BAZ2B: variants seen among roughly 807,000 people sequenced by gnomAD.
BAZ2B encodes bromodomain adjacent to zinc finger domain 2B, also known as bromodomain adjacent to zinc finger domain protein 2B.
A neutral mutation model predicts 246.0 loss-of-function variants in BAZ2B; 91 were observed. That is an observed-to-expected ratio of 0.37 (90% CI 0.31 to 0.44). BAZ2B has a LOEUF of 0.44. BAZ2B is among the 20% of genes least tolerant of loss of function. The pLI, the probability that BAZ2B is intolerant of heterozygous loss-of-function variation, is 1.00. For synonymous variants in BAZ2B, 855 were observed against 860.0 expected, an observed-to-expected ratio of 0.99 and a Z score of 0.10; for missense variants, 2,332 against 2,533.7, an observed-to-expected ratio of 0.92 and a Z score of 1.71.
Position 159,383,812 on chromosome 2 carries a change from G to C in BAZ2B, c.3687-132C>G, listed in dbSNP as rs1576371552. The C allele has an allele frequency of 5.8e-6, 4 of 687,476 alleles. No homozygotes were observed. The East Asian group carries it at 1.1e-4, about 19-fold the overall frequency. The allele number at this position is 687,476 out of a possible 1,614,324, so 42.6% of individuals were successfully genotyped here. ...GTAAAAATGATACAACTGACCTCATGCATATACACGTTCATATATGTATGT... is the reference window on the plus strand; with the variant it reads ...GTAAAAATGATACAACTGACCTCATCCATATACACGTTCATATATGTATGT... On this transcript the variant is annotated intron_variant, in intron 23 of 36. Transcript: ENST00000392783.
At chr2:159,459,539 T>C (rs1422319169) in intron 3 of BAZ2B, 1 of 152,162 alleles carries the variant, frequency 6.6e-6, no homozygotes, top group East Asian at 1.9e-4. Context: ...CTTGGCTCCA[T>C]TGCCAGGACA....
rs1483141774 is a variant in BAZ2B at position 159,319,694 on chromosome 2, T to C, written c.*571A>G. Reference sequence around the variant, plus strand: ...CAGTAAAGTTTCTTTTTGGTGCTTTTATAGCACATCAGTGTAAACAGTTTA... The same window carrying C: ...CAGTAAAGTTTCTTTTTGGTGCTTTCATAGCACATCAGTGTAAACAGTTTA... On this transcript the variant is annotated 3_prime_UTR_variant, in exon 37 of 37. Transcript: ENST00000392783. The surrounding 1 kb of genome is among the most constrained non-coding windows in gnomAD (Gnocchi z 4.0). The C allele has an allele frequency of 6.6e-6, 1 of 152,636 alleles. No individual in the cohort carries two copies. The highest frequency in any genetic ancestry group is 1.5e-5 in the Non-Finnish European group (1 of 68,026). 9.5% of individuals were successfully genotyped at this position (152,636 alleles called of 1,614,324 possible).
chr2:159,552,390 A>G (rs181264865), intron 2 of BAZ2B, among the ~76,000 whole-genome samples: 2 of 152,364 alleles, frequency 1.3e-5, no homozygotes, highest in Admixed American at 1.3e-4. Flanking sequence ...ACTTTATAGT[A>G]GATTTCACGC....
At chr2:159,708,539 A>G in the BAZ2B span, among the ~76,000 whole-genome samples, 1 of 145,786 alleles carries the variant, frequency 6.9e-6, no homozygotes, top group Admixed American at 7.1e-5. Flanking sequence ...ACGTGTTTTA[A>G]TAACCTTTTA....
In BAZ2B at chr2:159,325,768, C is replaced by T. The variant is rs550099510; in HGVS notation, c.6094G>A (p.Asp2032Asn). The T allele has an allele frequency of 6.2e-7, 1 of 1,603,274 alleles. No individual in the cohort carries two copies. Among genetic ancestry groups the T allele is most frequent in the African/African-American group, 1.4e-5 (1 of 74,050 alleles). Residue 2032 changes from aspartate (D) to asparagine (N), a missense_variant, in exon 35 of 37, where the codon GAC (aspartate) becomes AAC (asparagine). Around this residue, in one of 9 missense-constraint regions of BAZ2B, gnomAD observed 210 missense variants for 232.5 expected, o/e 0.90. Coordinates refer to ENST00000392783, the MANE Select transcript of BAZ2B (RefSeq NM_013450.4). Reference protein sequence around the residue: ...TSSSLKRGNKDLKKRKMEENT... With the variant: ...TSSSLKRGNKNLKKRKMEENT... ...TCCTCCATTTTTCTTTTCTTGAGGT[C>T]TTTGTTTCCTCTTTTTAGTGAACTA...
chr2:159,348,824 A>G lies in BAZ2B; in HGVS notation c.5147T>C (p.Phe1716Ser), dbSNP rs2058252459. 8.1e-6 allele frequency: 13 copies of G among 1,595,254 alleles called. No homozygotes were observed. Among genetic ancestry groups the G allele is most frequent in the Non-Finnish European group, 1.1e-5 (13 of 1,175,538 alleles). Reference sequence around the variant, plus strand: ...TGGGTCAATAATTCTCCACCAACCAAACTGCATTTCTAAGTCAAGATAAAT... The same window carrying G: ...TGGGTCAATAATTCTCCACCAACCAGACTGCATTTCTAAGTCAAGATAAAT... ...SPKPIPEEMQFGWWRIIDPED... is the reference protein window; with the variant it reads ...SPKPIPEEMQSGWWRIIDPED... Residue 1716 changes from phenylalanine (F) to serine (S), a missense_variant, in exon 30 of 37, where the codon TTT (phenylalanine) becomes TCT (serine). Phe to Ser is a radical substitution (Grantham distance 155). Around this residue, in one of 9 missense-constraint regions of BAZ2B, gnomAD observed 676 missense variants for 668.6 expected, o/e 1.01. Coordinates refer to ENST00000392783, the MANE Select transcript of BAZ2B (RefSeq NM_013450.4).
chr2:159,577,157 G>A (rs1685552286), intron 1 of BAZ2B, among the ~76,000 whole-genome samples: 2 of 152,006 alleles, frequency 1.3e-5, no homozygotes, highest in South Asian at 2.1e-4. Flanking sequence ...GAGCCCAGGG[G>A]GTCAAGGCTG....
At chr2:159,406,879 C>A (rs562313912) in intron 14 of BAZ2B, among the ~76,000 whole-genome samples, 1 of 151,846 alleles carries the variant, frequency 6.6e-6, no homozygotes, top group South Asian at 2.1e-4. Flanking sequence ...CTCAGCCTCC[C>A]GAGCAGCTGG....
chr2:159,535,060 C>T (rs1037364888), intron 2 of BAZ2B, among the ~76,000 whole-genome samples: 9 of 144,342 alleles, frequency 6.2e-5, no homozygotes, highest in African/African-American at 2.3e-4. Flanking sequence ...TATACCAGAG[C>T]TTATTACTCT....
chr2:159,405,052 G>A lies in BAZ2B; in HGVS notation c.2740C>T (p.Arg914Trp), dbSNP rs755763510. The change falls in exon 15 of 37, where the codon CGG becomes TGG. Residue 914 changes from arginine (R) to tryptophan (W), a missense_variant. This residue lies in a region of BAZ2B where 651 missense variants were observed against 650.9 expected (regional missense o/e 1.00). Coordinates refer to ENST00000392783, the MANE Select transcript of BAZ2B (RefSeq NM_013450.4). ...LRKLQKQEQA[R>W]VAKEAKKQQA... is the part of the protein sequence containing the mutation. Reference sequence around the variant, plus strand: ...TGTTTTTTGGCTTCTTTAGCAACCCGAGCCTGTTCCTGCTTTTGAAGTTTT... The same window carrying A: ...TGTTTTTTGGCTTCTTTAGCAACCCAAGCCTGTTCCTGCTTTTGAAGTTTT... 4.3e-6 allele frequency: 7 copies of A among 1,613,980 alleles called. No homozygotes were observed. In the South Asian group the frequency reaches 4.4e-5, roughly 10 times the overall value.
At chr2:159,490,077 A>G (rs2080274114) in intron 2 of BAZ2B, among the ~76,000 whole-genome samples, 2 of 152,198 alleles carry the variant, frequency 1.3e-5, no homozygotes, top group South Asian at 4.1e-4. Flanking sequence ...ACTTCTTATA[A>G]TGTTAATTTT....
At chr2:159,361,340 A>G (rs1350226207) in intron 27 of BAZ2B, among the ~76,000 whole-genome samples, 1 of 152,352 alleles carries the variant, frequency 6.6e-6, no homozygotes, top group Non-Finnish European at 1.5e-5. Flanking sequence ...GCCAACAAAC[A>G]TATGAAAAAA....
At chr2:159,385,020 G>A in intron 23 of BAZ2B, 135 bp downstream of exon 23, 1 of 908,038 alleles carries the variant, frequency 1.1e-6, no homozygotes, top group South Asian at 1.8e-5. Context: ...TCTAAATACT[G>A]AGATAAGTAC....
intron 14 of BAZ2B, among the ~76,000 whole-genome samples, chr2:159,410,569 T>C (rs1025460513): frequency 3.9e-5 from 6 of 152,148 alleles, no homozygotes; most frequent in African/African-American, 1.4e-4. Flanking sequence ...CCCTGAGGCC[T>C]CCCCAGCCAT....
At chr2:159,670,342 G>A in the BAZ2B span, among the ~76,000 whole-genome samples, 23 of 152,192 alleles carry the variant, frequency 1.5e-4, no homozygotes, top group African/African-American at 5.3e-4. Flanking sequence ...ATTGGCTCAT[G>A]AACTGTACCT....
chr2:159,362,577 G>C (rs1288098190), intron 27 of BAZ2B, among the ~76,000 whole-genome samples: 1 of 152,188 alleles, frequency 6.6e-6, no homozygotes, highest in Non-Finnish European at 1.5e-5. Context: ...CACCATGTGT[G>C]TTAGTGGTTT....
intron 8 of BAZ2B, chr2:159,434,038 C>G (rs186073565): frequency 6.6e-6 from 1 of 152,260 alleles, no homozygotes; most frequent in Admixed American, 6.5e-5. Flanking sequence ...ATGCGGCTGA[C>G]CAGGAGCTGT....
intron 3 of BAZ2B, among the ~76,000 whole-genome samples, chr2:159,466,258 A>G (rs985683183): frequency 6.6e-6 from 1 of 152,240 alleles, no homozygotes; most frequent in Non-Finnish European, 1.5e-5. Context: ...TAAAATCTGC[A>G]TAGTCACTTG....
chr2:159,414,524 A>G (rs904495962), intron 13 of BAZ2B, among the ~76,000 whole-genome samples: 3 of 152,194 alleles, frequency 2.0e-5, no homozygotes, highest in Non-Finnish European at 4.4e-5. Context: ...CTGTATCAAA[A>G]TATCTCATGT....
Sources: gnomAD v4.1 joint callset for allele counts (sites outside exome capture counted in the v4.1 genomes callset) on GRCh38, gnomAD v4.1.1 for gene constraint, gnomAD v4.1.1 regional missense constraint, Gnocchi (gnomAD v3.1) non-coding constraint, MANE v1.5 for transcripts, NCBI Gene and HGNC (gene_info 2026-07-23, HGNC 2026-07-21) for gene names.